Variants in HOXC4 observed in about 807,000 individuals in gnomAD.
The protein encoded by HOXC4 is homeobox C4.
In HOXC4, 15 loss-of-function variants were observed where a neutral mutation model predicts 25.5. The ratio of observed to expected loss-of-function variants is 0.59; its 90% CI spans 0.39 to 0.91. The LOEUF is 0.91. HOXC4 is among the 40% of genes least tolerant of loss of function. The pLI is 0.00. For synonymous variants in HOXC4, 165 were observed against 148.0 expected, an observed-to-expected ratio of 1.11 and a Z score of -0.83; for missense variants, 342 against 352.4, an observed-to-expected ratio of 0.97 and a Z score of 0.24.
At chr12:54,026,903 C>T (rs1184485843) in intron 1 of HOXC4, among the ~76,000 whole-genome samples, 2 of 151,950 alleles carry the variant, frequency 1.3e-5, no homozygotes, top group African/African-American at 2.4e-5. Flanking sequence ...TCATAAAATC[C>T]GGCGACATCC....
rs985067772 is a variant in HOXC4, at chr12:54,034,831, G to C, written c.-124+17417G>C. Reference sequence around the variant, plus strand: ...GCCGTATCTCCGGCTCCCAGCCTCAGCGCGGCCCTCCCGAGTTAAGGTGGG... The same window carrying C: ...GCCGTATCTCCGGCTCCCAGCCTCACCGCGGCCCTCCCGAGTTAAGGTGGG... On this transcript the variant is annotated intron_variant, in intron 1 of 3. Coordinates refer to the HOXC4 transcript ENST00000303406. 1.1e-4 allele frequency: 34 copies of C among 313,216 alleles called. No individual in the cohort carries two copies. The South Asian group carries it at 1.2e-3, about 11-fold the overall frequency. The allele number at this position is 313,216 out of a possible 1,614,324, so 19.4% of individuals were successfully genotyped here.
At chr12:54,032,637 G>A (rs1418876471) in intron 1 of HOXC4, among the ~76,000 whole-genome samples, 3 of 152,152 alleles carry the variant, frequency 2.0e-5, no homozygotes, top group African/African-American at 7.2e-5. Flanking sequence ...GAATTTAAAA[G>A]GCTAGCTCAG....
At chr12:54,047,104 A>G (rs1328621934) in intron 1 of HOXC4, among the ~76,000 whole-genome samples, 1 of 151,942 alleles carries the variant, frequency 6.6e-6, no homozygotes, top group Admixed American at 6.5e-5. Context: ...CAGGTGTTTG[A>G]GGCGAAGGGG....
chr12:54,031,195 G>T (rs1263990167), intron 1 of HOXC4, among the ~76,000 whole-genome samples: 12 of 152,242 alleles, frequency 7.9e-5, no homozygotes, highest in Non-Finnish European at 1.2e-4. Flanking sequence ...GACCAGTAAA[G>T]AAGCACTATC....
chr12:54,049,037 C>T, upstream of HOXC4, among the ~76,000 whole-genome samples: 1 of 152,284 alleles, frequency 6.6e-6, no homozygotes, highest in South Asian at 2.1e-4. Context: ...ACACCCCAAA[C>T]CAAATTTTAA....
Position 54,055,878 on chromosome 12 carries a change from T to C in HOXC4, c.*673T>C, listed in dbSNP as rs545203102. 6.6e-6 allele frequency: 1 copy of C among 152,600 alleles called. No homozygotes were observed. The highest frequency in any genetic ancestry group is 6.5e-5 in the Admixed American group (1 of 15,276). The allele number at this position is 152,600 out of a possible 1,614,324, so 9.5% of individuals were successfully genotyped here. A position where few individuals can be genotyped will look rare whatever the true frequency, so the allele number is the denominator to read the frequency against. On this transcript the variant is annotated 3_prime_UTR_variant, in exon 2 of 2. Coordinates refer to ENST00000430889, the MANE Select transcript of HOXC4 (RefSeq NM_153633.3). ...ATGAACTTTCAGTTCAGAGAGGCAG[T>C]CTATAGGTAGAATCTCTCCCCACCC...
rs945715987 is a variant in HOXC4, at chr12:54,033,030, C to T, written c.-124+15616C>T. 7 of 985,988 alleles carry T rather than the reference C, an allele frequency of 7.1e-6. No individual in the cohort carries two copies. The African/African-American group carries it at 9.8e-5, about 14-fold the overall frequency. 61.1% of individuals were successfully genotyped at this position (985,988 alleles called of 1,614,324 possible). ...GAGATATCTCCACCTATAAATTGTC[C>T]ACTTTGGAGAACAAAAAACCCCTCA... On this transcript the variant is annotated intron_variant, in intron 1 of 3. Coordinates refer to the HOXC4 transcript ENST00000303406.
intron 1 of HOXC4, among the ~76,000 whole-genome samples, chr12:54,039,761 A>G (rs1941240704): frequency 1.3e-5 from 2 of 151,914 alleles, no homozygotes; most frequent in South Asian, 2.1e-4. Flanking sequence ...CCAGGGCTCT[A>G]GGGAGCGAGT....
At chr12:54,029,739 T>G (rs372813456) in intron 1 of HOXC4, 1 of 1,614,142 alleles carries the variant, frequency 6.2e-7, no homozygotes, top group Non-Finnish European at 8.5e-7. Context: ...GAATTTCACT[T>G]CAATCGCTAC....
chr12:54,017,780 G>A (rs1472239038), intron 1 of HOXC4, among the ~76,000 whole-genome samples: 6 of 152,206 alleles, frequency 3.9e-5, no homozygotes, highest in Admixed American at 2.6e-4. Flanking sequence ...AACTGGGTCG[G>A]AGCGGAACTG....
At chr12:54,031,558 A>G (rs1379044775) in intron 1 of HOXC4, among the ~76,000 whole-genome samples, 1 of 151,964 alleles carries the variant, frequency 6.6e-6, no homozygotes, top group Non-Finnish European at 1.5e-5. Flanking sequence ...CCATTTATCA[A>G]CCCTGGCCTT....
chr12:54,039,278 G>A (rs1019956890), intron 1 of HOXC4, among the ~76,000 whole-genome samples: 11 of 152,182 alleles, frequency 7.2e-5, no homozygotes, highest in African/African-American at 2.7e-4. Flanking sequence ...GGGGGATGAG[G>A]AGGGAATGCT....
chr12:54,031,831 C>T (rs143567681), intron 1 of HOXC4, among the ~76,000 whole-genome samples: 1 of 152,144 alleles, frequency 6.6e-6, no homozygotes, highest in South Asian at 2.1e-4. Context: ...CTGCAGATAC[C>T]CTGCGAAGGC....
In HOXC4 at chr12:54,055,163, G is replaced by GCCGC. The variant is rs1565755577; in HGVS notation, c.755_758dup (p.Glu254AlafsTer38). 4.3e-6 allele frequency: 7 copies of GCCGC among 1,611,522 alleles called. No homozygotes were observed. The highest frequency in any genetic ancestry group is 5.9e-6 in the Non-Finnish European group (7 of 1,178,782). ...CTGAAGACCACTCCCAGAGCGCCACGCCGCCGGAGCAGCAACGGGCAGAGG... is the reference window on the plus strand; with the variant it reads ...CTGAAGACCACTCCCAGAGCGCCACGCCGCCCGCCGGAGCAGCAACGGGCAGAGG... On this transcript the variant is annotated frameshift_variant, in exon 2 of 2. Transcript: ENST00000430889. LOFTEE classifies it high-confidence loss of function.
chr12:54,018,721 AC>A (rs200260675), intron 1 of HOXC4, among the ~76,000 whole-genome samples: 2,434 of 152,062 alleles, frequency 0.016, 36 homozygotes, highest in Non-Finnish European at 0.02. Flanking sequence ...GGCGACGCAC[AC>A]GCAAACGCCT....
chr12:54,031,720 A>G (rs1242171828), intron 1 of HOXC4, among the ~76,000 whole-genome samples: 1 of 152,072 alleles, frequency 6.6e-6, no homozygotes, highest in Admixed American at 6.5e-5. Context: ...TCCACCAGTG[A>G]GGAGGGGGCC....
At chr12:54,032,699 C>T (rs776141940) in intron 1 of HOXC4, among the ~76,000 whole-genome samples, 1 of 152,166 alleles carries the variant, frequency 6.6e-6, no homozygotes, top group Non-Finnish European at 1.5e-5. Flanking sequence ...ATCCAGCCAC[C>T]GGAAAGCAAG....
At chr12:54,019,450 G>C (rs1940328779) in intron 1 of HOXC4, among the ~76,000 whole-genome samples, 1 of 152,150 alleles carries the variant, frequency 6.6e-6, no homozygotes, top group African/African-American at 2.4e-5. Context: ...GGGCCCGAGA[G>C]GCCCGAAAAA....
At chr12:54,024,348 C>T (rs1940589616) in intron 1 of HOXC4, among the ~76,000 whole-genome samples, 1 of 152,100 alleles carries the variant, frequency 6.6e-6, no homozygotes. Context: ...CTTGGGTCCC[C>T]GAGCAGCCTC....
Sources: allele counts gnomAD v4.1 joint callset (sites outside exome capture counted in the v4.1 genomes callset), GRCh38; gene constraint gnomAD v4.1.1; transcripts MANE v1.5; gene names NCBI Gene and HGNC (gene_info 2026-07-23, HGNC 2026-07-21).